The following RFX1 variants were observed in gnomAD, a reference collection of about 807,000 sequenced individuals.
RFX1 encodes MHC class II regulatory factor RFX1.
In RFX1, 42 loss-of-function variants were observed where a neutral mutation model predicts 119.6. The observed-to-expected ratio is 0.35, with a 90% CI of 0.27 to 0.45. The LOEUF (loss-of-function observed/expected upper bound fraction) is 0.45, where lower values mean the gene tolerates loss of function less well. Ranked by LOEUF, RFX1 falls within the 20% of genes least tolerant of loss-of-function variation. The pLI is 1.00. For synonymous variants in RFX1, 628 were observed against 618.5 expected, an observed-to-expected ratio of 1.02 and a Z score of -0.23; for missense variants, 1,118 against 1,368.1, an observed-to-expected ratio of 0.82 and a Z score of 2.88.
rs138311958 is a variant in RFX1, at chr19:13,992,207, G to A, written c.319+1318C>T. Among the ~76,000 whole-genome samples the A allele has an allele frequency of 2.6e-3, 397 of 152,266 alleles. 1 individual carries two copies. The highest frequency in any genetic ancestry group is 0.01 in the Middle Eastern group (3 of 294). On this transcript the variant is annotated intron_variant, in intron 2 of 20. Coordinates refer to ENST00000254325, the MANE Select transcript of RFX1 (RefSeq NM_002918.5). ...TAGTCCCAGCTACCTACAAGGCTGA[G>A]GCAGGAGAATCACTTGAGCCCAGGA... is the stretch of plus-strand genomic sequence containing the variant.
intron 1 of RFX1, chr19:13,998,269 G>T (rs1022241200): frequency 6.6e-6 from 1 of 152,244 alleles, no homozygotes; most frequent in East Asian, 1.9e-4. Context: ...TGGATCAGCT[G>T]AGGTCAGGAG....
At chr19:13,963,792 A>G in intron 17 of RFX1, 46 bp from the exon 18 acceptor site, 1 of 1,484,106 alleles carries the variant, frequency 6.7e-7, no homozygotes, top group Non-Finnish European at 8.9e-7. Context: ...AGCCGCCGTC[A>G]CCCCCGCCTG....
At chr19:13,962,891 C>CG (rs1473295585) in intron 20 of RFX1, 27 bp from the exon 21 acceptor site, 5 of 1,534,446 alleles carry the variant, frequency 3.3e-6, no homozygotes, top group Non-Finnish European at 4.4e-6. Context: ...AAGTCCGGCT[C>CG]GGGGCGGGGT....
rs1973670412 is a variant in RFX1 at position 13,961,763 on chromosome 19, T to TAAAC, written c.*928_*931dup. ...CATTTTTTTTTCCTTTTTCTTGCCATAAACATCTATCTCACAGGCTGAAAA... is the reference window on the plus strand; with the variant it reads ...CATTTTTTTTTCCTTTTTCTTGCCATAAACAAACATCTATCTCACAGGCTGAAAA... On this transcript the variant is annotated 3_prime_UTR_variant, in exon 21 of 21. Transcript: ENST00000254325. 1.3e-5 allele frequency: 2 copies of TAAAC among 152,212 alleles called. No homozygotes were observed. The highest frequency in any genetic ancestry group is 4.1e-4 in the South Asian group (2 of 4,834). 9.4% of individuals were successfully genotyped at this position (152,212 alleles called of 1,614,324 possible). A position where few individuals can be genotyped will look rare whatever the true frequency, so the allele number is the denominator to read the frequency against.
chr19:14,003,947 C>T (rs1163862869), intron 1 of RFX1, among the ~76,000 whole-genome samples: 1 of 151,978 alleles, frequency 6.6e-6, no homozygotes, highest in Non-Finnish European at 1.5e-5. Flanking sequence ...CACTCTGTTG[C>T]CCAGGCTGGA....
intron 1 of RFX1, among the ~76,000 whole-genome samples, chr19:13,994,938 A>G (rs1334575487): frequency 1.2e-4 from 12 of 101,600 alleles, no homozygotes; most frequent in East Asian, 2.9e-4. Flanking sequence ...ATATATATAT[A>G]ATCATTTTTT....
At position 13,962,748 on chromosome 19, in the gene RFX1, G is replaced by C; in HGVS notation, c.2887C>G (p.Leu963Val). 2.0e-6 allele frequency: 3 copies of C among 1,530,662 alleles called. 1 individual carries two copies. In the South Asian group the frequency reaches 3.6e-5, roughly 18 times the overall value. 94.8% of individuals were successfully genotyped at this position (1,530,662 alleles called of 1,614,324 possible). A position where few individuals can be genotyped will look rare whatever the true frequency, so the allele number is the denominator to read the frequency against. The change falls in exon 21 of 21, where the codon CTG (leucine) becomes GTG (valine). Residue 963 changes from leucine to valine, a missense_variant. Physicochemically the swap from Leu to Val is conservative, Grantham distance 32 (BLOSUM62 1). Coordinates refer to ENST00000254325, the MANE Select transcript of RFX1 (RefSeq NM_002918.5). Reference sequence around the variant, plus strand: ...AGGCCGCGCGCGTCAGTCCGCGCCAGCTTGGCCGGCGGCTCCAGGGTCTCC... The same window carrying C: ...AGGCCGCGCGCGTCAGTCCGCGCCACCTTGGCCGGCGGCTCCAGGGTCTCC... ...GPETLEPPAK[L>V]ARTDARGLFV...
intron 8 of RFX1, among the ~76,000 whole-genome samples, chr19:13,977,550 G>A (rs1431847683): frequency 1.3e-5 from 2 of 151,742 alleles, no homozygotes; most frequent in Non-Finnish European, 2.9e-5. Context: ...CCGAGTAGCT[G>A]GAATTACAGG....
chr19:13,965,515 G>C lies in RFX1; in HGVS notation c.2145C>G (p.Ala715=), dbSNP rs1227940116. ...GGGTGAGCCAGCTCTCCAGGCTCTT[G>C]GCAAAGTTCCGGATCGCTTGGGTCA... ...SALTQAIRNF[A]KSLESWLTHA... The change falls in exon 16 of 21, where the codon GCC becomes GCG. Residue 715 remains alanine, a synonymous_variant. Transcript: ENST00000254325. The surrounding 1 kb of genome is among the most constrained non-coding windows in gnomAD (Gnocchi z 4.7). The C allele has an allele frequency of 6.2e-7, 1 of 1,614,000 alleles. No individual in the cohort carries two copies. The highest frequency in any genetic ancestry group is 1.3e-5 in the African/African-American group (1 of 75,048).
At chr19:13,963,082 T>C (rs751815598) in intron 19 of RFX1, 40 bp downstream of exon 19, 17 of 1,604,558 alleles carry the variant, frequency 1.1e-5, no homozygotes, top group Non-Finnish European at 1.4e-5. Flanking sequence ...TCCCGCCGCC[T>C]GGCGCCCCGC....
chr19:13,963,835 G>A, intron 17 of RFX1, 23 bp downstream of exon 17: 1 of 777,978 alleles, frequency 1.3e-6, no homozygotes, highest in Non-Finnish European at 1.8e-6. Flanking sequence ...TCATTCGCCC[G>A]CCCCGCCCCG....
Position 13,985,513 on chromosome 19 carries a change from G to A in RFX1, c.320-1918C>T, listed in dbSNP as rs1017336964. On this transcript the variant is annotated intron_variant, in intron 2 of 20. Transcript: ENST00000254325. This position sits in a 1 kb window ranked among gnomAD's most constrained non-coding sequence, Gnocchi z 4.3. The stretch of plus-strand genomic sequence containing the variant: ...CTTTTATTACCCATTTTCAGACAAG[G>A]CAACAGAGACCAGAAGCAAGGAAGT... Among the ~76,000 whole-genome samples the A allele has an allele frequency of 6.6e-6, 1 of 152,132 alleles. No homozygotes were observed. Among genetic ancestry groups the A allele is most frequent in the Non-Finnish European group, 1.5e-5 (1 of 68,022 alleles).
Position 13,972,748 on chromosome 19 carries a change from C to A in RFX1, c.1309G>T (p.Ala437Ser). 1 of 1,593,028 alleles carries A rather than the reference C, an allele frequency of 6.3e-7. No individual in the cohort carries two copies. Among genetic ancestry groups the A allele is most frequent in the Non-Finnish European group, 8.6e-7 (1 of 1,167,930 alleles). Residue 437 changes from alanine (A) to serine (S), a missense_variant, in exon 9 of 21, where the codon GCC (alanine) becomes TCC (serine). By Grantham distance (99) the Ala-to-Ser change is moderately conservative. This residue lies in a region of RFX1 where 338 missense variants were observed against 508.9 expected (regional missense o/e 0.66). Coordinates refer to ENST00000254325, the MANE Select transcript of RFX1 (RefSeq NM_002918.5). ...SYSHTTRASP[A>S]TVQWLLDNYE... ...GCCCGCGTTGGGGCACTTACCGTGG[C>A]TGGCGAGGCACGGGTGGTGTGAGAG...
At chr19:14,006,789 T>G (rs942003175), upstream of RFX1, 3 of 152,276 alleles carry the variant, frequency 2.0e-5, no homozygotes, top group Admixed American at 2.0e-4. Flanking sequence ...CGCTCCAGAC[T>G]TCTCTCTCGC....
chr19:13,964,403 A>ATTTTTTTTTTT, intron 16 of RFX1, among the ~76,000 whole-genome samples: 1 of 146,036 alleles, frequency 6.8e-6, no homozygotes, highest in African/African-American at 2.5e-5. Flanking sequence ...TTTTTTTTTA[A>ATTTTTTTTTTT]AAACGAAAGA....
rs1973722906 is a variant in RFX1 at position 13,962,511 on chromosome 19, C to T, written c.*184G>A. The T allele has an allele frequency of 5.3e-6, 3 of 563,638 alleles. No homozygotes were observed. In the East Asian group the frequency reaches 1.0e-4, roughly 19 times the overall value. 34.9% of individuals were successfully genotyped at this position (563,638 alleles called of 1,614,324 possible). A position where few individuals can be genotyped will look rare whatever the true frequency, so the allele number is the denominator to read the frequency against. Reference sequence around the variant, plus strand: ...TCTTTTGTGTCAGAGTTTGCAGCTGCGGCTCCGCCCAGCCCACTGATTGTG... The same window carrying T: ...TCTTTTGTGTCAGAGTTTGCAGCTGTGGCTCCGCCCAGCCCACTGATTGTG... On this transcript the variant is annotated 3_prime_UTR_variant, in exon 21 of 21. Coordinates refer to ENST00000254325, the MANE Select transcript of RFX1 (RefSeq NM_002918.5).
intron 1 of RFX1, among the ~76,000 whole-genome samples, chr19:14,000,014 G>T (rs1975163269): frequency 6.6e-6 from 1 of 152,042 alleles, no homozygotes; most frequent in South Asian, 2.1e-4. Flanking sequence ...TAATCAAATG[G>T]TTTACATCCT....
At chr19:14,004,492 G>T (rs1975310662) in intron 1 of RFX1, among the ~76,000 whole-genome samples, 1 of 151,988 alleles carries the variant, frequency 6.6e-6, no homozygotes, top group African/African-American at 2.4e-5. Flanking sequence ...TGGCCACAGA[G>T]TGAGACTCCG....
At chr19:13,972,168 CA>C (rs1230847191) in intron 9 of RFX1, among the ~76,000 whole-genome samples, 3,013 of 51,116 alleles carry the variant, frequency 0.059, 96 homozygotes, top group African/African-American at 0.16. Context: ...AACCCTGTCT[CA>C]AAAAAAAAAA....
Sources: allele counts gnomAD v4.1 joint callset (sites outside exome capture counted in the v4.1 genomes callset), GRCh38; gene constraint gnomAD v4.1.1; regional missense constraint gnomAD v4.1.1; non-coding constraint Gnocchi (gnomAD v3.1); transcripts MANE v1.5; gene names NCBI Gene and HGNC (gene_info 2026-07-23, HGNC 2026-07-21).